DCBLD1: variants seen among roughly 807,000 people sequenced by gnomAD.
DCBLD1 encodes the protein discoidin, CUB and LCCL domain containing 1.
A neutral mutation model predicts 71.5 loss-of-function variants in DCBLD1; 57 were observed. The ratio of observed to expected loss-of-function variants is 0.80; its 90% CI spans 0.64 to 0.99. The LOEUF (loss-of-function observed/expected upper bound fraction) is 0.99, where lower values mean the gene tolerates loss of function less well. DCBLD1 is among the 50% of genes least tolerant of loss of function. The probability of loss-of-function intolerance (pLI) is 0.00; values close to 1 mark genes in which losing one functional copy is unlikely to be tolerated. For synonymous variants in DCBLD1, 380 were observed against 363.8 expected, an observed-to-expected ratio of 1.04 and a Z score of -0.51; for missense variants, 891 against 923.5, an observed-to-expected ratio of 0.96 and a Z score of 0.46.
chr6:117,531,851 C>G (rs200282035), intron 5 of DCBLD1, among the ~76,000 whole-genome samples: 1 of 151,014 alleles, frequency 6.6e-6, no homozygotes, highest in Non-Finnish European at 1.5e-5. Flanking sequence ...TTCTGCTTAA[C>G]AAGCCACTCC....
At chr6:117,545,714 TG>T (rs772066567) in intron 14 of DCBLD1, 117 bp downstream of exon 14, 20 of 1,409,252 alleles carry the variant, frequency 1.4e-5, no homozygotes, top group Non-Finnish European at 1.8e-5. Context: ...CCAGTAAATC[TG>T]AAATGTGTTT....
intron 1 of DCBLD1, among the ~76,000 whole-genome samples, chr6:117,483,104 C>A (rs1468692025): frequency 6.6e-6 from 1 of 152,062 alleles, no homozygotes; most frequent in African/African-American, 2.4e-5. Flanking sequence ...CATTCCTTGT[C>A]GCTCCCCCAC....
At chr6:117,559,081 TCA>T (rs1248222044) in intron 14 of DCBLD1, among the ~76,000 whole-genome samples, 3 of 152,178 alleles carry the variant, frequency 2.0e-5, no homozygotes, top group African/African-American at 7.2e-5. Context: ...TAAACTATAC[TCA>T]CCAACCAGAT....
intron 2 of DCBLD1, among the ~76,000 whole-genome samples, chr6:117,513,011 A>C (rs1244835247): frequency 6.6e-6 from 1 of 152,204 alleles, no homozygotes; most frequent in Non-Finnish European, 1.5e-5. Flanking sequence ...TTTAAGATCA[A>C]AACCTTATAT....
chr6:117,497,085 A>G (rs1777496860), intron 1 of DCBLD1, among the ~76,000 whole-genome samples: 1 of 152,156 alleles, frequency 6.6e-6, no homozygotes, highest in Non-Finnish European at 1.5e-5. Flanking sequence ...ATCCCAGCTA[A>G]TCGGGATGCT....
intron 6 of DCBLD1, among the ~76,000 whole-genome samples, chr6:117,535,116 C>T (rs1381881605): frequency 6.6e-6 from 1 of 152,112 alleles, no homozygotes; most frequent in African/African-American, 2.4e-5. Context: ...ACTTATGTTC[C>T]CACACATGAT....
intron 12 of DCBLD1, among the ~76,000 whole-genome samples, 156 bp downstream of exon 12, chr6:117,543,367 T>C (rs1238474067): frequency 6.6e-6 from 1 of 152,220 alleles, no homozygotes; most frequent in Non-Finnish European, 1.5e-5. Context: ...TAGATAAAAG[T>C]AGAAATGATC....
chr6:117,496,187 T>G (rs1394245739), intron 1 of DCBLD1, among the ~76,000 whole-genome samples: 1 of 152,074 alleles, frequency 6.6e-6, no homozygotes, highest in Non-Finnish European at 1.5e-5. Context: ...TTGAAAGAGA[T>G]TGTCAGTTTT....
At chr6:117,555,338 G>A (rs1459918909) in intron 14 of DCBLD1, among the ~76,000 whole-genome samples, 2 of 151,846 alleles carry the variant, frequency 1.3e-5, no homozygotes, top group Non-Finnish European at 2.9e-5. Context: ...TTAGTCAGCA[G>A]TTTGCCTTTT....
intron 9 of DCBLD1, 117 bp from the exon 10 acceptor site, chr6:117,540,551 A>G: frequency 7.5e-7 from 1 of 1,325,224 alleles, no homozygotes; most frequent in Non-Finnish European, 1.0e-6. Context: ...GTGTCTAGAA[A>G]AATGCAACCG....
At chr6:117,543,025 A>T (rs1779151286) in intron 11 of DCBLD1, 99 bp from the exon 12 acceptor site, 2 of 981,196 alleles carry the variant, frequency 2.0e-6, no homozygotes, top group South Asian at 2.8e-5. Context: ...CCCTATATTA[A>T]ATGCTTAAAG....
At chr6:117,495,779 G>A (rs956504881) in intron 1 of DCBLD1, among the ~76,000 whole-genome samples, 4 of 152,188 alleles carry the variant, frequency 2.6e-5, no homozygotes, top group African/African-American at 7.2e-5. Flanking sequence ...CTGATTTTAT[G>A]TATAGCACAT....
chr6:117,557,689 A>G (rs1025262505), intron 14 of DCBLD1, among the ~76,000 whole-genome samples: 6 of 152,312 alleles, frequency 3.9e-5, no homozygotes, highest in African/African-American at 1.4e-4. Context: ...ACTTAAACCC[A>G]GGAGATGGAA....
Position 117,548,474 on chromosome 6 carries a change from C to T in DCBLD1, c.*35C>T, listed in dbSNP as rs1461225096. 2 of 1,548,380 alleles carry T rather than the reference C, an allele frequency of 1.3e-6. No individual in the cohort carries two copies. The highest frequency in any genetic ancestry group is 1.7e-6 in the Non-Finnish European group (2 of 1,146,724). ...GAAAGAAGCCTGCTGTGGTACTGAGCGTCGGGCTGTCACAAGGCACTGGAA... is the reference window on the plus strand; with the variant it reads ...GAAAGAAGCCTGCTGTGGTACTGAGTGTCGGGCTGTCACAAGGCACTGGAA... On this transcript the variant is annotated 3_prime_UTR_variant, in exon 15 of 15. Transcript: ENST00000338728.
chr6:117,560,180 C>G (rs917982171), intron 14 of DCBLD1: 4 of 160,718 alleles, frequency 2.5e-5, no homozygotes, highest in African/African-American at 9.6e-5. Flanking sequence ...ATATTTATAA[C>G]ACAAAATTAA....
At chr6:117,506,113 A>G (rs934417005) in intron 2 of DCBLD1, among the ~76,000 whole-genome samples, 2 of 152,106 alleles carry the variant, frequency 1.3e-5, no homozygotes, top group African/African-American at 2.4e-5. Context: ...TTCAGTGCCT[A>G]TTGTATGCCA....
At chr6:117,500,757 G>T (rs1018472725) in intron 1 of DCBLD1, among the ~76,000 whole-genome samples, 1 of 152,052 alleles carries the variant, frequency 6.6e-6, no homozygotes. Context: ...CACCTACTCG[G>T]GAGGCTGAGG....
intron 14 of DCBLD1, among the ~76,000 whole-genome samples, chr6:117,567,486 C>T (rs778635070): frequency 2.6e-5 from 4 of 152,090 alleles, no homozygotes; most frequent in Non-Finnish European, 5.9e-5. Context: ...GATTTTTGTA[C>T]ACTGCCATAA....
At chr6:117,519,698 A>G (rs1778319953) in intron 2 of DCBLD1, 118 bp from the exon 3 acceptor site, 1 of 1,303,580 alleles carries the variant, frequency 7.7e-7, no homozygotes, top group African/African-American at 1.5e-5. Context: ...GGTAAAGATT[A>G]TAATCATACA....
Sources: gnomAD v4.1 joint callset for allele counts (sites outside exome capture counted in the v4.1 genomes callset) on GRCh38, gnomAD v4.1.1 for gene constraint, MANE v1.5 for transcripts, NCBI Gene and HGNC (gene_info 2026-07-23, HGNC 2026-07-21) for gene names.